The following CSMD1 variants were observed in gnomAD, a reference collection of about 807,000 sequenced individuals.
CSMD1 encodes CUB and sushi domain-containing protein 1.
A neutral mutation model predicts 417.5 loss-of-function variants in CSMD1; 213 were observed. The ratio of observed to expected loss-of-function variants is 0.51; its 90% CI spans 0.46 to 0.57. CSMD1 has a LOEUF of 0.57. Among genes scored for constraint, CSMD1 ranks in the 20% least tolerant of loss-of-function variants. The probability of loss-of-function intolerance (pLI) is 0.00; values close to 1 mark genes in which losing one functional copy is unlikely to be tolerated. For synonymous variants in CSMD1, 2,862 were observed against 1,736.8 expected, an observed-to-expected ratio of 1.65 and a Z score of -16.11; for missense variants, 6,923 against 4,529.7, an observed-to-expected ratio of 1.53 and a Z score of -15.17.
At chr8:4,022,329 C>T (rs370983925) in intron 4 of CSMD1, among the ~76,000 whole-genome samples, 1 of 151,930 alleles carries the variant, frequency 6.6e-6, no homozygotes, top group Admixed American at 6.6e-5. Flanking sequence ...GAACACCCCT[C>T]CAATTCAGCA....
chr8:4,224,753 G>C (rs925772104), intron 3 of CSMD1, among the ~76,000 whole-genome samples: 3 of 152,294 alleles, frequency 2.0e-5, no homozygotes, highest in South Asian at 4.1e-4. Flanking sequence ...TCTCCCCATA[G>C]TATTAACCTG....
intron 49 of CSMD1, among the ~76,000 whole-genome samples, chr8:3,083,648 ATTTTTTTTTTTTTTT>A (rs34049524): frequency 1.9e-3 from 26 of 13,530 alleles, no homozygotes; most frequent in East Asian, 0.012. Context: ...ATATATATAT[ATTTTTTTTTTTTTTT>A]TTTTTTTTTT....
At chr8:3,006,570 C>T (rs1175577729) in intron 52 of CSMD1, among the ~76,000 whole-genome samples, 1 of 151,554 alleles carries the variant, frequency 6.6e-6, no homozygotes, top group Non-Finnish European at 1.5e-5. Flanking sequence ...GGTACCAAAG[C>T]AGAGATATAG....
At chr8:3,783,471 C>CACAGA in intron 5 of CSMD1, among the ~76,000 whole-genome samples, 1 of 152,298 alleles carries the variant, frequency 6.6e-6, no homozygotes, top group South Asian at 2.1e-4. Context: ...CATTGGCGGG[C>CACAGA]TGTGAGGCGG....
intron 2 of CSMD1, among the ~76,000 whole-genome samples, chr8:4,579,820 T>C (rs1263041781): frequency 4.6e-5 from 7 of 152,184 alleles, no homozygotes; most frequent in Admixed American, 2.0e-4. Flanking sequence ...ATGTTTCTGT[T>C]AAATTCTAGG....
chr8:3,399,111 G>A (rs144786451), intron 16 of CSMD1, among the ~76,000 whole-genome samples: 1 of 152,048 alleles, frequency 6.6e-6, no homozygotes, highest in Non-Finnish European at 1.5e-5. Flanking sequence ...TCCAGTGCAG[G>A]TCCCAAACCC....
chr8:4,308,868 T>A (rs1585203316), intron 3 of CSMD1, among the ~76,000 whole-genome samples: 2 of 152,332 alleles, frequency 1.3e-5, no homozygotes, highest in Admixed American at 1.3e-4. Flanking sequence ...GTAATGATTA[T>A]ATTATAGCTA....
At chr8:4,788,652 C>A in intron 1 of CSMD1, 1 of 669,370 alleles carries the variant, frequency 1.5e-6, no homozygotes, top group Non-Finnish European at 2.5e-6. Context: ...GAAGGAAAAT[C>A]AAGCAATATG....
rs199601817 is a variant in CSMD1 at position 4,902,275 on chromosome 8, TAA to T, written c.85+92055_85+92056del. Among the ~76,000 whole-genome samples the T allele has an allele frequency of 8.4e-3, 1,229 of 146,918 alleles. 14 individuals carry two copies. Among genetic ancestry groups the T allele is most frequent in the African/African-American group, 0.025 (987 of 39,588 alleles). ...AGACAAAACATCTCGCTCTATCTAT[TAA>T]AAAAAAAAAAAAATCCTGGCATGAT... On this transcript the variant is annotated intron_variant, in intron 1 of 69. Coordinates refer to ENST00000635120, the MANE Select transcript of CSMD1 (RefSeq NM_033225.6).
chr8:3,168,631 T>TCACACACACACA (rs59927132), intron 37 of CSMD1, among the ~76,000 whole-genome samples: 23,902 of 148,706 alleles, frequency 0.16, 2,275 homozygotes, highest in East Asian at 0.42. Flanking sequence ...TAAGTCTTCA[T>TCACACACACACA]CACACACACA....
At chr8:3,586,014 T>C (rs1365999566) in intron 9 of CSMD1, 122 bp downstream of exon 9, 5 of 996,078 alleles carry the variant, frequency 5.0e-6, no homozygotes, top group African/African-American at 1.7e-5. Context: ...TATGAAAACA[T>C]ACATTACTAC....
intron 2 of CSMD1, among the ~76,000 whole-genome samples, chr8:4,463,673 C>A (rs1249287571): frequency 6.6e-6 from 1 of 152,128 alleles, no homozygotes; most frequent in African/African-American, 2.4e-5. Context: ...TACCATTGCA[C>A]TTACATTAAA....
chr8:3,013,818 A>G (rs1363776959), intron 52 of CSMD1, among the ~76,000 whole-genome samples: 1 of 152,096 alleles, frequency 6.6e-6, no homozygotes, highest in Non-Finnish European at 1.5e-5. Context: ...ACAAATGCAT[A>G]GCAATTCCTC....
At chr8:4,062,639 A>T (rs1335194667) in intron 3 of CSMD1, among the ~76,000 whole-genome samples, 1 of 152,116 alleles carries the variant, frequency 6.6e-6, no homozygotes, top group Non-Finnish European at 1.5e-5. Flanking sequence ...ATTAGATTTC[A>T]ATTCAGTAGT....
At chr8:4,472,484 G>A (rs953678174) in intron 2 of CSMD1, among the ~76,000 whole-genome samples, 2 of 151,880 alleles carry the variant, frequency 1.3e-5, no homozygotes, top group African/African-American at 2.4e-5. Context: ...AGAGGGACCC[G>A]GGGAACCTTA....
chr8:3,966,999 G>C (rs1189158871), intron 5 of CSMD1, among the ~76,000 whole-genome samples: 1 of 152,124 alleles, frequency 6.6e-6, no homozygotes, highest in Non-Finnish European at 1.5e-5. Flanking sequence ...TTCCACTGTA[G>C]AGTGTCAATT....
intron 5 of CSMD1, among the ~76,000 whole-genome samples, chr8:3,755,334 A>G (rs1797597025): frequency 6.6e-6 from 1 of 152,354 alleles, no homozygotes; most frequent in African/African-American, 2.4e-5. Flanking sequence ...AAGGGTCGAA[A>G]GATGATAGAG....
intron 1 of CSMD1, among the ~76,000 whole-genome samples, chr8:4,655,339 G>A (rs944197011): frequency 1.5e-4 from 23 of 151,972 alleles, no homozygotes; most frequent in Admixed American, 1.4e-3. Context: ...GGTTGCAATC[G>A]ACCTGCTGAA....
intron 10 of CSMD1, among the ~76,000 whole-genome samples, chr8:3,554,496 A>G (rs920721352): frequency 1.3e-5 from 2 of 152,116 alleles, no homozygotes; most frequent in African/African-American, 4.8e-5. Flanking sequence ...GGTGGAAGGG[A>G]AGCAAGGCCA....
Sources: gnomAD v4.1 joint callset for allele counts (sites outside exome capture counted in the v4.1 genomes callset) on GRCh38, gnomAD v4.1.1 for gene constraint, MANE v1.5 for transcripts, NCBI Gene and HGNC (gene_info 2026-07-23, HGNC 2026-07-21) for gene names.